The following AKAP7 variants were observed in gnomAD, a reference collection of about 807,000 sequenced individuals.
AKAP7 encodes the protein A-kinase anchoring protein 7, also known as A kinase (PRKA) anchor protein 7.
In AKAP7, 39 loss-of-function variants were observed where a neutral mutation model predicts 39.5. The ratio of observed to expected loss-of-function variants is 0.99; its 90% CI spans 0.76 to 1.29. AKAP7 has a LOEUF of 1.29. Among genes scored for constraint, AKAP7 ranks in the 50% most tolerant of loss-of-function variants. The pLI is 0.00. For synonymous variants in AKAP7, 140 were observed against 139.1 expected (o/e 1.01, Z -0.05); for missense variants, 414 against 407.7 (o/e 1.02, Z -0.13).
At chr6:131,138,373 A>G (rs1335153524) in intron 1 of AKAP7, among the ~76,000 whole-genome samples, 2 of 152,204 alleles carry the variant, frequency 1.3e-5, no homozygotes, top group Admixed American at 6.5e-5. Context: ...AACCTTAGTT[A>G]TCCAACACTT....
At chr6:131,137,201 A>G (rs1800625812) in intron 1 of AKAP7, among the ~76,000 whole-genome samples, 1 of 151,832 alleles carries the variant, frequency 6.6e-6, no homozygotes, top group African/African-American at 2.4e-5. Context: ...GGGCTCAAGC[A>G]GTCCTTCTCT....
At chr6:131,181,993 G>C (rs1805303217) in intron 5 of AKAP7, among the ~76,000 whole-genome samples, 1 of 152,098 alleles carries the variant, frequency 6.6e-6, no homozygotes, top group South Asian at 2.1e-4. Context: ...AGGCATGGTG[G>C]TGGGTACCTG....
rs116248292 is a variant in AKAP7 at position 131,201,434 on chromosome 6, A to G, written c.702+1861A>G. Among the ~76,000 whole-genome samples, 1,111 of 152,204 alleles carry G rather than the reference A, an allele frequency of 7.3e-3. 14 individuals carry two copies. The highest frequency in any genetic ancestry group is 0.025 in the African/African-American group (1,043 of 41,528). Reference sequence around the variant, plus strand: ...AGAATGCTTAATATTTAGAAAACAAATTATGATTGTTTTTTTCTTGTAAAT... The same window carrying G: ...AGAATGCTTAATATTTAGAAAACAAGTTATGATTGTTTTTTTCTTGTAAAT... On this transcript the variant is annotated intron_variant, in intron 6 of 7. Transcript: ENST00000431975.
intron 2 of AKAP7, among the ~76,000 whole-genome samples, chr6:131,159,692 C>T (rs1288785305): frequency 1.3e-5 from 2 of 152,220 alleles, no homozygotes; most frequent in Non-Finnish European, 2.9e-5. Flanking sequence ...AAGAAATGAT[C>T]TTTCTTAGTG....
At chr6:131,179,207 C>G (rs758137853) in intron 5 of AKAP7, among the ~76,000 whole-genome samples, 1 of 151,912 alleles carries the variant, frequency 6.6e-6, no homozygotes. Context: ...GGAGTCTCGC[C>G]CTGTTGCCCA....
At chr6:131,166,663 AT>A (rs906952844) in intron 4 of AKAP7, among the ~76,000 whole-genome samples, 1 of 152,118 alleles carries the variant, frequency 6.6e-6, no homozygotes, top group Non-Finnish European at 1.5e-5. Flanking sequence ...GTCCACCCCT[AT>A]TCTGGAGGGG....
chr6:131,250,620 A>C, intron 7 of AKAP7: 8 of 1,613,814 alleles, frequency 5.0e-6, no homozygotes, highest in Non-Finnish European at 6.8e-6. Context: ...AAAATCAGTA[A>C]GTGGGATTTG....
intron 2 of AKAP7, among the ~76,000 whole-genome samples, chr6:131,152,866 C>T (rs1802050191): frequency 6.7e-6 from 1 of 148,892 alleles, no homozygotes. Flanking sequence ...CGCTGGCTCA[C>T]GCCGGTAATC....
intron 4 of AKAP7, among the ~76,000 whole-genome samples, chr6:131,167,441 A>T (rs959946290): frequency 3.3e-5 from 5 of 152,202 alleles, no homozygotes; most frequent in Non-Finnish European, 5.9e-5. Flanking sequence ...ATATAGTTTC[A>T]TTTAAAACAA....
At chr6:131,237,035 T>C (rs1242934179) in intron 7 of AKAP7, among the ~76,000 whole-genome samples, 4 of 152,202 alleles carry the variant, frequency 2.6e-5, no homozygotes, top group African/African-American at 9.6e-5. Context: ...TGATATTGGC[T>C]GTGGGTTTGT....
intron 3 of AKAP7, among the ~76,000 whole-genome samples, chr6:131,163,005 GCTCTCT>G (rs3836925): frequency 6.7e-6 from 1 of 150,080 alleles, no homozygotes; most frequent in Non-Finnish European, 1.5e-5. Flanking sequence ...TTTCGCTCTC[GCTCTCT>G]CTCTCTCTCT....
intron 7 of AKAP7, among the ~76,000 whole-genome samples, chr6:131,248,564 T>C (rs1001062094): frequency 1.3e-5 from 2 of 152,226 alleles, no homozygotes; most frequent in African/African-American, 4.8e-5. Context: ...TAGAGGATCC[T>C]AATATGCCTA....
intron 6 of AKAP7, among the ~76,000 whole-genome samples, chr6:131,214,704 T>C (rs906472257): frequency 6.6e-6 from 1 of 152,204 alleles, no homozygotes; most frequent in African/African-American, 2.4e-5. Flanking sequence ...CTAATATTCA[T>C]GCACTATATT....
chr6:131,266,472 A>G (rs1041420946), intron 7 of AKAP7, among the ~76,000 whole-genome samples: 3 of 152,236 alleles, frequency 2.0e-5, no homozygotes, highest in Non-Finnish European at 4.4e-5. Context: ...TCCTACAGTA[A>G]GAATTTACAT....
chr6:131,138,655 T>A (rs1336924326), intron 1 of AKAP7, among the ~76,000 whole-genome samples: 2 of 152,236 alleles, frequency 1.3e-5, no homozygotes, highest in African/African-American at 2.4e-5. Flanking sequence ...AAGGGCATAA[T>A]GGTAATAGAG....
At chr6:131,218,843 A>G (rs1002232930) in intron 6 of AKAP7, among the ~76,000 whole-genome samples, 4 of 152,230 alleles carry the variant, frequency 2.6e-5, no homozygotes, top group African/African-American at 4.8e-5. Context: ...TGTCTTTCAG[A>G]TGATTCTTAC....
At chr6:131,164,062 T>C (rs1803237669) in intron 3 of AKAP7, among the ~76,000 whole-genome samples, 1 of 152,180 alleles carries the variant, frequency 6.6e-6, no homozygotes, top group Non-Finnish European at 1.5e-5. Context: ...ATTCCGCAGA[T>C]AATGGGAACA....
intron 2 of AKAP7, among the ~76,000 whole-genome samples, chr6:131,158,799 GCCC>G (rs1802655418): frequency 6.6e-6 from 1 of 152,036 alleles, no homozygotes; most frequent in African/African-American, 2.4e-5. Flanking sequence ...GAGCCACCAT[GCCC>G]TGCAGGGGAA....
chr6:131,131,633 T>C (rs1562850304), upstream of AKAP7, among the ~76,000 whole-genome samples: 1 of 152,172 alleles, frequency 6.6e-6, no homozygotes, highest in African/African-American at 2.4e-5. Flanking sequence ...TAAAACATAG[T>C]CTTTGCCTTC....
Sources: allele counts gnomAD v4.1 joint callset (sites outside exome capture counted in the v4.1 genomes callset), GRCh38; gene constraint gnomAD v4.1.1; transcripts MANE v1.5; gene names NCBI Gene and HGNC (gene_info 2026-07-23, HGNC 2026-07-21).